CALN1: variants seen among roughly 807,000 people sequenced by gnomAD.
The protein encoded by CALN1 is calcium-binding protein 8.
A neutral mutation model predicts 30.6 loss-of-function variants in CALN1; 17 were observed. That is an observed-to-expected ratio of 0.56 (90% CI 0.38 to 0.83). The LOEUF (loss-of-function observed/expected upper bound fraction) is 0.83, where lower values mean the gene tolerates loss of function less well. Ranked by LOEUF, CALN1 falls within the 40% of genes least tolerant of loss-of-function variation. The pLI, the probability that CALN1 is intolerant of heterozygous loss-of-function variation, is 0.00. For synonymous variants in CALN1, 156 were observed against 131.4 expected (o/e 1.19, Z -1.28); for missense variants, 291 against 354.9 (o/e 0.82, Z 1.45).
intron 3 of CALN1, among the ~76,000 whole-genome samples, chr7:72,154,192 C>T (rs554964827): frequency 3.3e-5 from 5 of 150,498 alleles, no homozygotes; most frequent in African/African-American, 4.9e-5. Context: ...TAGGGCCAGA[C>T]AAACTGCTTC....
At chr7:72,172,220 C>T (rs1164129879) in intron 3 of CALN1, among the ~76,000 whole-genome samples, 1 of 152,192 alleles carries the variant, frequency 6.6e-6, no homozygotes, top group Non-Finnish European at 1.5e-5. Flanking sequence ...TCCCTGTCCA[C>T]CTCTTAGTTT....
intron 3 of CALN1, among the ~76,000 whole-genome samples, chr7:72,234,265 C>T (rs760371269): frequency 6.6e-6 from 1 of 152,048 alleles, no homozygotes; most frequent in Non-Finnish European, 1.5e-5. Context: ...CAAGAGAAGA[C>T]AAGAAACTTC....
At chr7:72,480,445 C>A in the CALN1 span, among the ~76,000 whole-genome samples, 2 of 152,090 alleles carry the variant, frequency 1.3e-5, no homozygotes, top group African/African-American at 4.8e-5. Context: ...TATATACTTG[C>A]GGGATATTGG....
intron 5 of CALN1, among the ~76,000 whole-genome samples, chr7:71,873,544 C>A (rs985720357): frequency 6.6e-6 from 1 of 152,156 alleles, no homozygotes; most frequent in African/African-American, 2.4e-5. Context: ...TTCTCAAAAG[C>A]GTAGTGCATA....
In CALN1 at chr7:72,356,895, A is replaced by G. The variant is rs148460293; in HGVS notation, c.119+46356T>C. 8.0e-3 allele frequency among the ~76,000 whole-genome samples: 1,211 copies of G among 152,086 alleles called. 41 individuals carry two copies. Among genetic ancestry groups the G allele is most frequent in the African/African-American group, 0.028 (1,157 of 41,360 alleles). ...GGGCAGTGAGAAAGCTTAGAGCAAT[A>G]TATTAGTGCTTGTCAACGTATGTCT... On this transcript the variant is annotated intron_variant, in intron 2 of 6. Transcript: ENST00000395275.
rs534575584 is a variant in CALN1 at position 72,299,553 on chromosome 7, C to A, written c.120-20743G>T. 5.9e-5 allele frequency among the ~76,000 whole-genome samples: 9 copies of A among 151,852 alleles called. No individual in the cohort carries two copies. The South Asian group carries it at 1.9e-3, about 32-fold the overall frequency. On this transcript the variant is annotated intron_variant, in intron 2 of 6. Coordinates refer to ENST00000395275, the MANE Select transcript of CALN1 (RefSeq NM_031468.4). Reference sequence around the variant, plus strand: ...AAACGATATAAATAAAGGTAATAGGCAAACAGGGAATGCAAAGACTGTATG... The same window carrying A: ...AAACGATATAAATAAAGGTAATAGGAAAACAGGGAATGCAAAGACTGTATG...
At chr7:72,154,489 C>T (rs1265022596) in intron 3 of CALN1, among the ~76,000 whole-genome samples, 1 of 152,140 alleles carries the variant, frequency 6.6e-6, no homozygotes, top group Non-Finnish European at 1.5e-5. Flanking sequence ...ACATGGGTAC[C>T]ATCTTGAGGA....
intron 3 of CALN1, among the ~76,000 whole-genome samples, chr7:72,254,984 G>A (rs1406621186): frequency 6.6e-6 from 1 of 151,986 alleles, no homozygotes; most frequent in East Asian, 1.9e-4. Context: ...GTAGAGATGG[G>A]GTTTCTCCAT....
chr7:72,224,218 C>A (rs1793510555), intron 3 of CALN1, among the ~76,000 whole-genome samples: 1 of 152,164 alleles, frequency 6.6e-6, no homozygotes, highest in African/African-American at 2.4e-5. Context: ...AAAATAAAAT[C>A]TTCTAGGAGA....
intron 2 of CALN1, among the ~76,000 whole-genome samples, chr7:72,381,147 A>C (rs879271926): frequency 2.0e-5 from 3 of 152,220 alleles, no homozygotes; most frequent in African/African-American, 7.2e-5. Flanking sequence ...AGACATAAAC[A>C]TGTTGATAAA....
At chr7:71,847,387 C>T (rs755708248) in intron 5 of CALN1, among the ~76,000 whole-genome samples, 27 of 152,084 alleles carry the variant, frequency 1.8e-4, no homozygotes, top group Non-Finnish European at 3.5e-4. Context: ...CAGTGGCTCA[C>T]GCTTGTAATC....
chr7:72,227,464 T>C (rs942613093), intron 3 of CALN1, among the ~76,000 whole-genome samples: 4 of 150,500 alleles, frequency 2.7e-5, no homozygotes, highest in African/African-American at 9.8e-5. Context: ...TGCTTGAACC[T>C]GGGAGGTAAA....
chr7:72,342,329 G>C (rs1041317157), intron 2 of CALN1, among the ~76,000 whole-genome samples: 5 of 151,490 alleles, frequency 3.3e-5, no homozygotes, highest in Admixed American at 6.6e-5. Context: ...GCAGTTTCTT[G>C]GTCTTCCCCA....
chr7:71,831,661 G>A (rs949845018), intron 5 of CALN1, among the ~76,000 whole-genome samples: 1 of 151,294 alleles, frequency 6.6e-6, no homozygotes, highest in African/African-American at 2.4e-5. Context: ...GGAGGTGGGC[G>A]GATCACTTGA....
chr7:72,299,689 CTTTTTTTT>C (rs34296600), intron 2 of CALN1, among the ~76,000 whole-genome samples: 23 of 119,840 alleles, frequency 1.9e-4, no homozygotes, highest in African/African-American at 6.7e-4. Context: ...ATGCTCTTAT[CTTTTTTTT>C]TTTTTTTTTT....
chr7:72,411,688 A>G (rs1427586329), intron 1 of CALN1, among the ~76,000 whole-genome samples: 2 of 152,246 alleles, frequency 1.3e-5, no homozygotes, highest in Non-Finnish European at 2.9e-5. Flanking sequence ...AATGATGCCA[A>G]ATGACAGAGA....
chr7:72,372,038 G>C (rs1804276113), intron 2 of CALN1, among the ~76,000 whole-genome samples: 1 of 152,186 alleles, frequency 6.6e-6, no homozygotes, highest in Non-Finnish European at 1.5e-5. Flanking sequence ...AATATCGCCT[G>C]AAAGTTGAAC....
intron 2 of CALN1, among the ~76,000 whole-genome samples, chr7:72,371,249 G>A (rs989216529): frequency 3.3e-5 from 5 of 152,080 alleles, no homozygotes; most frequent in African/African-American, 4.8e-5. Flanking sequence ...TTTGAATTAA[G>A]TTTTGTGAGA....
chr7:72,305,272 T>C (rs1158226071), intron 2 of CALN1, among the ~76,000 whole-genome samples: 1 of 152,236 alleles, frequency 6.6e-6, no homozygotes. Context: ...TTCACAAGGA[T>C]GCCGGCGCTG....
Sources: gnomAD v4.1 joint callset for allele counts (sites outside exome capture counted in the v4.1 genomes callset) on GRCh38, gnomAD v4.1.1 for gene constraint, MANE v1.5 for transcripts, NCBI Gene and HGNC (gene_info 2026-07-23, HGNC 2026-07-21) for gene names.